The following MAP2K6 variants were observed in gnomAD, a reference collection of about 807,000 sequenced individuals.
The protein encoded by MAP2K6 is mitogen-activated protein kinase kinase 6.
MAP2K6 carries 16 observed loss-of-function variants against 53.7 expected under a neutral mutation model. That is an observed-to-expected ratio of 0.30 (90% CI 0.20 to 0.45). The LOEUF (loss-of-function observed/expected upper bound fraction) is 0.45. Among genes scored for constraint, MAP2K6 ranks in the 20% least tolerant of loss-of-function variants. The pLI, the probability that MAP2K6 is intolerant of heterozygous loss-of-function variation, is 1.00. For synonymous variants in MAP2K6, 132 were observed against 143.1 expected (o/e 0.92, Z 0.55); for missense variants, 204 against 411.9 (o/e 0.50, Z 4.37).
At chr17:69,463,703 AATAC>A (rs1381104484) in intron 1 of MAP2K6, among the ~76,000 whole-genome samples, 2 of 151,812 alleles carry the variant, frequency 1.3e-5, no homozygotes, top group Admixed American at 1.3e-4. Flanking sequence ...TATACACACA[AATAC>A]ATATATGTAT....
At chr17:69,432,641 C>T (rs945506766) in intron 1 of MAP2K6, among the ~76,000 whole-genome samples, 16 of 128,778 alleles carry the variant, frequency 1.2e-4, no homozygotes, top group Middle Eastern at 3.8e-3. Context: ...AAACACACAT[C>T]GGGGCCTATC....
At chr17:69,421,789 C>T (rs1002536229) in intron 1 of MAP2K6, among the ~76,000 whole-genome samples, 4 of 151,970 alleles carry the variant, frequency 2.6e-5, no homozygotes, top group Admixed American at 6.6e-5. Flanking sequence ...GTGATCCACC[C>T]GCCTCGGCCT....
chr17:69,541,333 T>TG (rs1188226022), intron 11 of MAP2K6, among the ~76,000 whole-genome samples: 2 of 152,174 alleles, frequency 1.3e-5, no homozygotes, highest in Non-Finnish European at 2.9e-5. Context: ...AAAATGACCT[T>TG]GTGGGGCCCA....
intron 10 of MAP2K6, among the ~76,000 whole-genome samples, chr17:69,530,471 T>C (rs1454131079): frequency 6.6e-6 from 1 of 152,222 alleles, no homozygotes; most frequent in East Asian, 1.9e-4. Flanking sequence ...GGTAGAATGC[T>C]ATACTTAAGA....
In MAP2K6 at chr17:69,474,125, C is replaced by T. The variant is rs79626013; in HGVS notation, c.17-31655C>T. ...TGATGTTAATGTGAAGAGCTGGCTC[C>T]GTATGGGCAAGGGCTACATGTTTTG... On this transcript the variant is annotated intron_variant, in intron 1 of 11. Coordinates refer to ENST00000590474, the MANE Select transcript of MAP2K6 (RefSeq NM_002758.4). 4.3e-3 allele frequency among the ~76,000 whole-genome samples: 662 copies of T among 152,274 alleles called. 6 individuals are homozygous for T. The highest frequency in any genetic ancestry group is 0.015 in the African/African-American group (635 of 41,542).
chr17:69,450,611 G>A (rs1196107953), intron 1 of MAP2K6, among the ~76,000 whole-genome samples: 1 of 152,102 alleles, frequency 6.6e-6, no homozygotes, highest in Admixed American at 6.5e-5. Flanking sequence ...TCAAACTTAT[G>A]ATTCACATTT....
intron 1 of MAP2K6, among the ~76,000 whole-genome samples, chr17:69,429,447 A>C (rs1906385117): frequency 1.3e-5 from 2 of 152,074 alleles, no homozygotes; most frequent in Admixed American, 6.5e-5. Flanking sequence ...TGCCTCTAAA[A>C]GGAGAGTGAG....
At chr17:69,450,137 C>T (rs1429500204) in intron 1 of MAP2K6, among the ~76,000 whole-genome samples, 2 of 140,104 alleles carry the variant, frequency 1.4e-5, no homozygotes, top group African/African-American at 5.3e-5. Flanking sequence ...AATTTTAGTA[C>T]AGACGGTGTT....
At chr17:69,420,708 C>A (rs942707565) in intron 1 of MAP2K6, among the ~76,000 whole-genome samples, 8 of 151,008 alleles carry the variant, frequency 5.3e-5, no homozygotes, top group Admixed American at 5.3e-4. Flanking sequence ...CTAAACCACA[C>A]GTGAACACTA....
At chr17:69,480,387 C>T (rs1471307791) in intron 1 of MAP2K6, among the ~76,000 whole-genome samples, 1 of 152,222 alleles carries the variant, frequency 6.6e-6, no homozygotes, top group Non-Finnish European at 1.5e-5. Context: ...ACAGGACTCT[C>T]CACAGTCTTA....
At chr17:69,523,339 T>C (rs1437682211) in intron 7 of MAP2K6, among the ~76,000 whole-genome samples, 175 bp from the exon 8 acceptor site, 2 of 152,130 alleles carry the variant, frequency 1.3e-5, no homozygotes, top group Non-Finnish European at 2.9e-5. Context: ...GAAAATCAAG[T>C]TGAAAGCAAT....
In MAP2K6 at chr17:69,542,736, C is replaced by G. The variant is rs1248682690; in HGVS notation, c.*983C>G. Reference sequence around the variant, plus strand: ...TGTTAAATCACAGAAAAAAATGGTGCCTTCTTCTGCGTTTGTCCCTCCTGC... The same window carrying G: ...TGTTAAATCACAGAAAAAAATGGTGGCTTCTTCTGCGTTTGTCCCTCCTGC... On this transcript the variant is annotated 3_prime_UTR_variant, in exon 12 of 12. Transcript: ENST00000590474. 1.3e-5 allele frequency: 2 copies of G among 152,166 alleles called. No individual in the cohort carries two copies. Among genetic ancestry groups the G allele is most frequent in the Non-Finnish European group, 2.9e-5 (2 of 68,032 alleles). The allele number at this position is 152,166 out of a possible 1,614,324, so 9.4% of individuals were successfully genotyped here.
chr17:69,515,369 C>G (rs1910088699), intron 2 of MAP2K6, among the ~76,000 whole-genome samples: 2 of 152,048 alleles, frequency 1.3e-5, no homozygotes, highest in Non-Finnish European at 2.9e-5. Context: ...GTTGGCCAGG[C>G]TGGTCTCGAA....
chr17:69,422,124 ATTTTTTTTT>A (rs35694490), intron 1 of MAP2K6, among the ~76,000 whole-genome samples: 7 of 87,364 alleles, frequency 8.0e-5, no homozygotes, highest in African/African-American at 9.1e-5. Context: ...AATCATCGTA[ATTTTTTTTT>A]TTTTTTTTTT....
At chr17:69,417,138 G>A (rs529776547) in intron 1 of MAP2K6, among the ~76,000 whole-genome samples, 9 of 152,306 alleles carry the variant, frequency 5.9e-5, no homozygotes, top group Non-Finnish European at 1.3e-4. Flanking sequence ...GTAGAAAGAA[G>A]TGGGTGATCA....
At chr17:69,434,400 C>G (rs1297579988) in intron 1 of MAP2K6, 1 of 152,200 alleles carries the variant, frequency 6.6e-6, no homozygotes, top group East Asian at 1.9e-4. Flanking sequence ...CTTGCTGGCT[C>G]TCCCCATTGG....
intron 1 of MAP2K6, among the ~76,000 whole-genome samples, chr17:69,472,291 A>G (rs1344325457): frequency 1.3e-5 from 2 of 152,208 alleles, no homozygotes; most frequent in African/African-American, 4.8e-5. Flanking sequence ...GTTTAACATT[A>G]ACAATAATAA....
At chr17:69,511,821 T>C (rs1036630800) in intron 2 of MAP2K6, among the ~76,000 whole-genome samples, 1 of 152,104 alleles carries the variant, frequency 6.6e-6, no homozygotes, top group African/African-American at 2.4e-5. Flanking sequence ...TTTCTAAAAA[T>C]ACAAAAAATT....
intron 1 of MAP2K6, among the ~76,000 whole-genome samples, chr17:69,484,456 G>GA (rs1908453694): frequency 6.6e-6 from 1 of 151,970 alleles, no homozygotes; most frequent in Non-Finnish European, 1.5e-5. Context: ...GGAGAAATTG[G>GA]AACCCTTTAC....
Sources: allele counts gnomAD v4.1 joint callset (sites outside exome capture counted in the v4.1 genomes callset), GRCh38; gene constraint gnomAD v4.1.1; transcripts MANE v1.5; gene names NCBI Gene and HGNC (gene_info 2026-07-23, HGNC 2026-07-21).